Variants in KIAA0753 observed in about 807,000 individuals in gnomAD.
The protein encoded by KIAA0753 is KIAA0753, also known as protein moonraker.
KIAA0753 carries 114 observed loss-of-function variants against 116.9 expected under a neutral mutation model. The ratio of observed to expected loss-of-function variants is 0.98; its 90% CI spans 0.84 to 1.14. The LOEUF is 1.14. KIAA0753 is among the 50% of genes most tolerant of loss of function. The pLI, the probability that KIAA0753 is intolerant of heterozygous loss-of-function variation, is 0.00. For missense variants in KIAA0753, 1,156 were observed against 1,172.4 expected (o/e 0.99, Z 0.20); for synonymous variants, 405 against 413.1 (o/e 0.98, Z 0.24).
At chr17:6,592,980 A>G (rs373048625) in intron 16 of KIAA0753, among the ~76,000 whole-genome samples, 1 of 152,326 alleles carries the variant, frequency 6.6e-6, no homozygotes, top group South Asian at 2.1e-4. Flanking sequence ...AAAATGTTCC[A>G]GAATTAGTTG....
chr17:6,603,842 A>G (rs1227218119), intron 12 of KIAA0753, among the ~76,000 whole-genome samples: 1 of 152,230 alleles, frequency 6.6e-6, no homozygotes, highest in Non-Finnish European at 1.5e-5. Flanking sequence ...TTAGAAAATA[A>G]TTGCTCTACT....
rs1435386334 is a variant in KIAA0753, at chr17:6,616,013, A to T, written c.1316-3865T>A. On this transcript the variant is annotated intron_variant, in intron 7 of 18. Coordinates refer to ENST00000361413, the MANE Select transcript of KIAA0753 (RefSeq NM_014804.3). ...ATTTTTTCAGGGGTGGGTGGGGAAG[A>T]GGAGACCTTAGGAAATCAGAATGGA... Among the ~76,000 whole-genome samples, 3 of 150,898 alleles carry T rather than the reference A, an allele frequency of 2.0e-5. No individual in the cohort carries two copies. The East Asian group carries it at 5.8e-4, about 29-fold the overall frequency.
At chr17:6,585,965 G>A (rs917684857) in intron 18 of KIAA0753, among the ~76,000 whole-genome samples, 1 of 151,996 alleles carries the variant, frequency 6.6e-6, no homozygotes, top group Admixed American at 6.6e-5. Flanking sequence ...ATTTGTTCCC[G>A]CTCAAATCTC....
intron 6 of KIAA0753, among the ~76,000 whole-genome samples, chr17:6,622,637 C>G (rs549180745): frequency 1.5e-4 from 23 of 152,268 alleles, no homozygotes; most frequent in African/African-American, 5.3e-4. Context: ...AGTTAATGAA[C>G]CTGGTTTAAA....
Position 6,620,969 on chromosome 17 carries a change from C to T in KIAA0753, c.1134G>A (p.Leu378=), listed in dbSNP as rs1567575729. ...EALESLLEKK[L]SPKKVKKCFS... is the part of the protein sequence containing the mutation. ...AACATTTTTTCACCTTTTTTGGTGA[C>T]AGTTTCTTTTCCAGGAGAGATTCCA... The change falls in exon 7 of 19, where the codon CTG becomes CTA. Residue 378 remains leucine, a synonymous_variant. Coordinates refer to ENST00000361413, the MANE Select transcript of KIAA0753 (RefSeq NM_014804.3). 6.2e-7 allele frequency: 1 copy of T among 1,613,700 alleles called. No homozygotes were observed. Among genetic ancestry groups the T allele is most frequent in the Admixed American group, 1.7e-5 (1 of 60,012 alleles).
chr17:6,631,160 C>G (rs951088178), intron 2 of KIAA0753, among the ~76,000 whole-genome samples: 23 of 151,946 alleles, frequency 1.5e-4, no homozygotes, highest in African/African-American at 5.6e-4. Flanking sequence ...GTGGAAAACC[C>G]CCAAATAAAT....
chr17:6,608,260 T>C (rs1970316723), intron 10 of KIAA0753, 88 bp downstream of exon 10: 2 of 530,058 alleles, frequency 3.8e-6, no homozygotes, highest in East Asian at 6.2e-5. Flanking sequence ...CAACTTTAAA[T>C]GTAGGAAAGA....
chr17:6,586,367 G>A (rs1968575415), intron 18 of KIAA0753, among the ~76,000 whole-genome samples: 1 of 152,172 alleles, frequency 6.6e-6, no homozygotes, highest in Non-Finnish European at 1.5e-5. Flanking sequence ...GCATTCACAA[G>A]CATCTGATGC....
chr17:6,627,948 T>G (rs1971776602), intron 3 of KIAA0753, among the ~76,000 whole-genome samples, 169 bp downstream of exon 3: 1 of 152,144 alleles, frequency 6.6e-6, no homozygotes, highest in African/African-American at 2.4e-5. Context: ...CAAGACACTG[T>G]TCAAACTCCA....
intron 18 of KIAA0753, among the ~76,000 whole-genome samples, chr17:6,583,127 T>G (rs78551904): frequency 0.058 from 8,849 of 152,276 alleles, 420 homozygotes; most frequent in African/African-American, 0.13. Flanking sequence ...TAATTCAGCT[T>G]TGTTAAGAAA....
At chr17:6,605,281 C>G (rs1384088441) in intron 12 of KIAA0753, among the ~76,000 whole-genome samples, 2 of 152,164 alleles carry the variant, frequency 1.3e-5, no homozygotes, top group African/African-American at 4.8e-5. Flanking sequence ...GGATAGTCAT[C>G]CCATCCCCAC....
At chr17:6,632,887 A>C (rs1972094486) in intron 2 of KIAA0753, among the ~76,000 whole-genome samples, 1 of 152,206 alleles carries the variant, frequency 6.6e-6, no homozygotes, top group Non-Finnish European at 1.5e-5. Flanking sequence ...AAAACCTAAA[A>C]ACAGACTCAG....
intron 3 of KIAA0753, among the ~76,000 whole-genome samples, chr17:6,625,446 C>T (rs991156077): frequency 3.2e-4 from 49 of 152,106 alleles, no homozygotes; most frequent in African/African-American, 1.1e-3. Context: ...ATGGGCGGAT[C>T]ACCTGAGGTC....
Position 6,606,756 on chromosome 17 carries a change from A to T in KIAA0753, c.2009+117T>A, listed in dbSNP as rs1264519909. 9.9e-6 allele frequency: 7 copies of T among 709,794 alleles called. No homozygotes were observed. The Admixed American group carries it at 1.5e-4, about 16-fold the overall frequency. The allele number at this position is 709,794 out of a possible 1,614,324, so 44.0% of individuals were successfully genotyped here. A position where few individuals can be genotyped will look rare whatever the true frequency, so the allele number is the denominator to read the frequency against. Reference sequence around the variant, plus strand: ...ATAATATACAGGTAGACATGCAGCTATTCATTCATTCATGTAATGAAGTTA... The same window carrying T: ...ATAATATACAGGTAGACATGCAGCTTTTCATTCATTCATGTAATGAAGTTA... On this transcript the variant is annotated intron_variant, in intron 12 of 18. Transcript: ENST00000361413.
chr17:6,628,195 T>C lies in KIAA0753; in HGVS notation c.640A>G (p.Lys214Glu). ...IGDHKNISEQ[K>E]SLLEVQRLQK... The stretch of plus-strand genomic sequence containing the variant: ...AGTCGCTGGACTTCTAGCAGGCTTT[T>C]CTGTTCACTTATGTTTTTGTGGTCA... Residue 214 changes from lysine to glutamate, a missense_variant, in exon 3 of 19, where the codon AAA becomes GAA. Coordinates refer to ENST00000361413, the MANE Select transcript of KIAA0753 (RefSeq NM_014804.3). 6.2e-7 allele frequency: 1 copy of C among 1,614,226 alleles called. No homozygotes were observed. Among genetic ancestry groups the C allele is most frequent in the Non-Finnish European group, 8.5e-7 (1 of 1,180,034 alleles).
At chr17:6,589,196 A>G (rs1377432413) in intron 18 of KIAA0753, among the ~76,000 whole-genome samples, 2 of 152,300 alleles carry the variant, frequency 1.3e-5, no homozygotes, top group African/African-American at 4.8e-5. Context: ...AATTAGGTTT[A>G]GATGAGGTCA....
chr17:6,586,855 C>T (rs1383657171), intron 18 of KIAA0753, among the ~76,000 whole-genome samples: 5 of 152,098 alleles, frequency 3.3e-5, no homozygotes, highest in Admixed American at 3.3e-4. Context: ...TTCTCCTTAC[C>T]CAAGAGGCTT....
Position 6,611,960 on chromosome 17 carries a change from G to GAAGATA in KIAA0753, c.1503_1504insTATCTT (p.Val501_Pro502insTyrLeu). ...GCCAGAGTATCTTTCTTCCTAAACGGCACATTCTCAGTCACAGGCTTCTTT... is the reference window on the plus strand; with the variant it reads ...GCCAGAGTATCTTTCTTCCTAAACGGAAGATACACATTCTCAGTCACAGGCTTCTTT... On this transcript the variant is annotated inframe_insertion, in exon 8 of 19. Coordinates refer to ENST00000361413, the MANE Select transcript of KIAA0753 (RefSeq NM_014804.3). 6.2e-7 allele frequency: 1 copy of GAAGATA among 1,614,006 alleles called. No homozygotes were observed. The highest frequency in any genetic ancestry group is 8.5e-7 in the Non-Finnish European group (1 of 1,179,978).
chr17:6,632,569 G>A (rs1972075975), intron 2 of KIAA0753, among the ~76,000 whole-genome samples: 1 of 152,136 alleles, frequency 6.6e-6, no homozygotes, highest in Non-Finnish European at 1.5e-5. Context: ...AGTTTGAGGT[G>A]TTAAAAAGAC....
Sources: allele counts gnomAD v4.1 joint callset (sites outside exome capture counted in the v4.1 genomes callset), GRCh38; gene constraint gnomAD v4.1.1; transcripts MANE v1.5; gene names NCBI Gene and HGNC (gene_info 2026-07-23, HGNC 2026-07-21).